GMPPA: variants seen among roughly 807,000 people sequenced by gnomAD.
GMPPA encodes mannose-1-phosphate guanylyltransferase regulatory subunit alpha.
A neutral mutation model predicts 58.6 loss-of-function variants in GMPPA; 46 were observed. The observed-to-expected ratio is 0.78, with a 90% confidence interval of 0.62 to 1.00. GMPPA has a LOEUF of 1.00. GMPPA is among the 50% of genes least tolerant of loss of function. GMPPA has a pLI of 0.00. For synonymous variants in GMPPA, 211 were observed against 214.9 expected, an observed-to-expected ratio of 0.98 and a Z score of 0.16; for missense variants, 468 against 556.4, an observed-to-expected ratio of 0.84 and a Z score of 1.60.
At position 219,505,172 on chromosome 2, in the gene GMPPA, C is replaced by T. The variant is rs182639376; in HGVS notation, c.621-56C>T. ...TCCTGTCCCTGGGAGACTGTGTTAG[C>T]CCCACAGTCGGGGCTCAGCTGGGGG... On this transcript the variant is annotated intron_variant, in intron 7 of 12. Transcript: ENST00000313597. The T allele has an allele frequency of 3.2e-6, 5 of 1,570,408 alleles. No individual in the cohort carries two copies. The African/African-American group carries it at 5.4e-5, about 17-fold the overall frequency.
In GMPPA at chr2:219,502,563, A is replaced by C; in HGVS notation, c.489+122A>C. Reference sequence around the variant, plus strand: ...TCTAGTCTTGTCAGACAGGTGAGACACTCCCGATTAATCATCTTATATCCC... The same window carrying C: ...TCTAGTCTTGTCAGACAGGTGAGACCCTCCCGATTAATCATCTTATATCCC... On this transcript the variant is annotated intron_variant, in intron 6 of 12. Coordinates refer to ENST00000313597, the MANE Select transcript of GMPPA (RefSeq NM_013335.4). This position sits in a 1 kb window ranked among gnomAD's most constrained non-coding sequence, Gnocchi z 4.0. 4 of 707,250 alleles carry C rather than the reference A, an allele frequency of 5.7e-6. No individual in the cohort carries two copies. The highest frequency in any genetic ancestry group is 2.8e-5 in the East Asian group (1 of 35,480). 43.8% of individuals were successfully genotyped at this position (707,250 alleles called of 1,614,324 possible).
At chr2:219,504,715 C>T (rs1271225638) in intron 7 of GMPPA, 1 of 261,596 alleles carries the variant, frequency 3.8e-6, no homozygotes, top group Non-Finnish European at 6.4e-6. Flanking sequence ...CTCCTCTGCT[C>T]ATAGCCATTT....
chr2:219,506,284 G>A lies in GMPPA; in HGVS notation c.1024G>A (p.Gly342Ser), dbSNP rs1264142171. The A allele has an allele frequency of 1.2e-6, 2 of 1,613,526 alleles. No individual in the cohort carries two copies. The highest frequency in any genetic ancestry group is 1.1e-5 in the South Asian group (1 of 91,058). ...EHTCVLHSIV[G>S]WGSTVGRWAR... ...CACGTGTGTTCTGCATAGCATCGTG[G>A]GCTGGGGGAGCACCGTGGGACGCTG... The change falls in exon 12 of 13, where the codon GGC becomes AGC. Residue 342 changes from glycine (G) to serine (S), a missense_variant. By Grantham distance (56) the Gly-to-Ser change is moderately conservative. Coordinates refer to ENST00000313597, the MANE Select transcript of GMPPA (RefSeq NM_013335.4).
chr2:219,504,327 C>T, intron 7 of GMPPA, 114 bp downstream of exon 7: 1 of 961,938 alleles, frequency 1.0e-6, no homozygotes, highest in South Asian at 1.6e-5. Flanking sequence ...TCCCCTCTCC[C>T]TTCTCCACTT....
intron 7 of GMPPA, chr2:219,504,829 C>T: frequency 4.7e-6 from 5 of 1,053,352 alleles, no homozygotes; most frequent in South Asian, 3.7e-5. Flanking sequence ...CCCTTTCTTT[C>T]TGTGACTGTC....
chr2:219,501,610 G>C, intron 4 of GMPPA, 31 bp downstream of exon 4: 1 of 1,354,100 alleles, frequency 7.4e-7, no homozygotes, highest in Non-Finnish European at 1.1e-6. Flanking sequence ...ATATGGGGGG[G>C]TGGGGATGCC....
At position 219,502,334 on chromosome 2, in the gene GMPPA, C is replaced by G. The variant is rs780815969; in HGVS notation, c.430-48C>G. 1 of 1,544,028 alleles carries G rather than the reference C, an allele frequency of 6.5e-7. No individual in the cohort carries two copies. Among genetic ancestry groups the G allele is most frequent in the Non-Finnish European group, 9.0e-7 (1 of 1,116,230 alleles). ...GGAAAGAAAGAAAAAACAGACGTGG[C>G]TGCCCTGGAGCAGGCGGGTCACTGT... is the stretch of plus-strand genomic sequence containing the variant. On this transcript the variant is annotated intron_variant, in intron 5 of 12. Coordinates refer to ENST00000313597, the MANE Select transcript of GMPPA (RefSeq NM_013335.4). The surrounding 1 kb of genome is among the most constrained non-coding windows in gnomAD (Gnocchi z 4.0).
chr2:219,500,253 C>T (rs1483005996), intron 3 of GMPPA, 35 bp downstream of exon 3: 14 of 1,117,900 alleles, frequency 1.3e-5, no homozygotes, highest in Non-Finnish European at 1.6e-5. Context: ...CACCTCACTT[C>T]CTGCTTATCT....
At chr2:219,505,822 C>A in intron 10 of GMPPA, 61 bp downstream of exon 10, 1 of 1,373,514 alleles carries the variant, frequency 7.3e-7, no homozygotes, top group Non-Finnish European at 1.0e-6. Context: ...GGAGGGTGCC[C>A]ACGCTGCCTG....
intron 11 of GMPPA, 33 bp downstream of exon 11, chr2:219,506,105 C>A (rs193268245): frequency 1.3e-6 from 2 of 1,499,664 alleles, no homozygotes; most frequent in Admixed American, 1.9e-5. Flanking sequence ...GCATGTGACA[C>A]CCCAAGAGGC....
rs768577936 is a variant in GMPPA, at chr2:219,505,617, C to G, written c.853+62C>G. 6 of 1,579,802 alleles carry G rather than the reference C, an allele frequency of 3.8e-6. No individual in the cohort carries two copies. In the African/African-American group the frequency reaches 8.1e-5, roughly 21 times the overall value. Reference sequence around the variant, plus strand: ...CACCCCAGCCCTCTGAACCAGGATTCTTGACCTCGAGTCCAGAGTTAAAGC... The same window carrying G: ...CACCCCAGCCCTCTGAACCAGGATTGTTGACCTCGAGTCCAGAGTTAAAGC... On this transcript the variant is annotated intron_variant, in intron 9 of 12. Coordinates refer to ENST00000313597, the MANE Select transcript of GMPPA (RefSeq NM_013335.4).
In GMPPA at chr2:219,505,528, C is replaced by A. The variant is rs139675922; in HGVS notation, c.826C>A (p.His276Asn). ...CACTCACCCAGAACGGCTGGCCAAG[C>A]ACACCCCAGGGGGCCCATGGATCCG... is the stretch of plus-strand genomic sequence containing the variant. ...QDTHPERLAK[H>N]TPGGPWIRGN... is the part of the protein sequence containing the mutation. The change falls in exon 9 of 13, where the codon CAC (histidine) becomes AAC (asparagine). Residue 276 changes from histidine (H) to asparagine (N), a missense_variant. Transcript: ENST00000313597. 5 of 1,569,860 alleles carry A rather than the reference C, an allele frequency of 3.2e-6. No homozygotes were observed. The African/African-American group carries it at 6.7e-5, about 21-fold the overall frequency.
At chr2:219,503,937 C>T in intron 6 of GMPPA, 146 bp from the exon 7 acceptor site, 1 of 786,742 alleles carries the variant, frequency 1.3e-6, no homozygotes, top group South Asian at 1.5e-5. Flanking sequence ...AGCCAGGCAG[C>T]AGTAGGATGC....
At position 219,505,185 on chromosome 2, in the gene GMPPA, G is replaced by A. The variant is rs185034815; in HGVS notation, c.621-43G>A. 75 of 1,604,176 alleles carry A rather than the reference G, an allele frequency of 4.7e-5. No individual in the cohort carries two copies. The East Asian group carries it at 1.7e-3, about 35-fold the overall frequency. ...AGACTGTGTTAGCCCCACAGTCGGG[G>A]CTCAGCTGGGGGACTAATGTCAGCA... On this transcript the variant is annotated intron_variant, in intron 7 of 12. Transcript: ENST00000313597.
chr2:219,505,106 C>T (rs888105630), intron 7 of GMPPA, 122 bp from the exon 8 acceptor site: 2 of 1,170,286 alleles, frequency 1.7e-6, no homozygotes, highest in African/African-American at 3.0e-5. Context: ...CGAACCAGAC[C>T]TGGAGAGAGG....
chr2:219,506,119 G>A (rs532396940), intron 11 of GMPPA, 47 bp downstream of exon 11: 23 of 1,474,316 alleles, frequency 1.6e-5, no homozygotes, highest in South Asian at 1.3e-4. Context: ...AAGAGGCTGC[G>A]GGGAGGGCCC....
chr2:219,501,943 T>C lies in GMPPA; in HGVS notation c.335T>C (p.Val112Ala). The C allele has an allele frequency of 6.2e-7, 1 of 1,614,182 alleles. No homozygotes were observed. Among genetic ancestry groups the C allele is most frequent in the Non-Finnish European group, 8.5e-7 (1 of 1,180,008 alleles). Residue 112 changes from valine (V) to alanine (A), a missense_variant, in exon 5 of 13, where the codon GTG (valine) becomes GCG (alanine). Transcript: ENST00000313597. ...ILAGSPEAFFVLNADVCSDFP... is the reference protein window; with the variant it reads ...ILAGSPEAFFALNADVCSDFP... ...GCTGGGAGCCCCGAGGCATTCTTCG[T>C]GCTCAATGCTGATGTCTGCTCCGAC...
chr2:219,506,086 T>G lies in GMPPA; in HGVS notation c.993+14T>G, dbSNP rs753854673. 1.3e-6 allele frequency: 2 copies of G among 1,549,504 alleles called. No homozygotes were observed. The highest frequency in any genetic ancestry group is 1.2e-5 in the South Asian group (1 of 86,432). On this transcript the variant is annotated intron_variant, in intron 11 of 12. Transcript: ENST00000313597. ...GCCACTTTGCAGGTAGGTACCAGCA[T>G]ACACAGCAGCATGTGACACCCCAAG...
In GMPPA at chr2:219,504,112, A is replaced by C; in HGVS notation, c.519A>C (p.Thr173=). ...EVLHYVEKPS[T]FISDIINCGI... is the part of the protein sequence containing the mutation. ...TGCACTATGTGGAGAAACCCAGCAC[A>C]TTTATCAGTGACATCATCAACTGCG... Residue 173 remains threonine, a synonymous_variant, in exon 7 of 13, where the codon ACA becomes ACC. Coordinates refer to ENST00000313597, the MANE Select transcript of GMPPA (RefSeq NM_013335.4). 2.5e-6 allele frequency: 4 copies of C among 1,614,076 alleles called. No individual in the cohort carries two copies. Among genetic ancestry groups the C allele is most frequent in the Non-Finnish European group, 2.5e-6 (3 of 1,179,970 alleles).
Sources: gnomAD v4.1 joint callset for allele counts on GRCh38, gnomAD v4.1.1 for gene constraint, Gnocchi (gnomAD v3.1) non-coding constraint, MANE v1.5 for transcripts, NCBI Gene and HGNC (gene_info 2026-07-23, HGNC 2026-07-21) for gene names.